SIPA1L2: variants seen among roughly 807,000 people sequenced by gnomAD.
SIPA1L2 encodes the protein signal-induced proliferation-associated 1-like protein 2.
SIPA1L2 carries 56 observed loss-of-function variants against 163.9 expected under a neutral mutation model. That is an observed-to-expected ratio of 0.34 (90% CI 0.28 to 0.43). The LOEUF (loss-of-function observed/expected upper bound fraction) is 0.43. Among genes scored for constraint, SIPA1L2 ranks in the 20% least tolerant of loss-of-function variants. The pLI is 1.00. For missense variants in SIPA1L2, 1,974 were observed against 2,193.5 expected, an observed-to-expected ratio of 0.90 and a Z score of 2.00; for synonymous variants, 877 against 865.7, an observed-to-expected ratio of 1.01 and a Z score of -0.23.
chr1:232,489,831 G>A (rs552430279), intron 5 of SIPA1L2, among the ~76,000 whole-genome samples: 14 of 152,264 alleles, frequency 9.2e-5, no homozygotes, highest in African/African-American at 3.1e-4. Flanking sequence ...GCATGCACTT[G>A]AGCATGTACT....
Position 232,537,489 on chromosome 1 carries a change from A to T in SIPA1L2, c.-269-21881T>A, listed in dbSNP as rs556936289. On this transcript the variant is annotated intron_variant, in intron 2 of 22. Coordinates refer to ENST00000674635, the MANE Select transcript of SIPA1L2 (RefSeq NM_020808.5). ...AAAAATATACTAAAATTCAAAAGAT[A>T]AAAAAAAAATGAAGCAACAAGGAAT... 2.7e-5 allele frequency among the ~76,000 whole-genome samples: 4 copies of T among 149,576 alleles called. No homozygotes were observed. The East Asian group carries it at 5.9e-4, about 22-fold the overall frequency.
At position 232,515,354 on chromosome 1, in the gene SIPA1L2, A is replaced by G. The variant is rs750233336; in HGVS notation, c.-15T>C. 3 of 1,561,608 alleles carry G rather than the reference A, an allele frequency of 1.9e-6. No individual in the cohort carries two copies. The highest frequency in any genetic ancestry group is 2.3e-5 in the East Asian group (1 of 44,376). On this transcript the variant is annotated 5_prime_UTR_variant, in exon 3 of 23. Transcript: ENST00000674635. ...GGGTCACTCATGTCTACCGAGGAAG[A>G]GCCTCCAAGTCTCACCAGGAAGACT... is the stretch of plus-strand genomic sequence containing the variant.
chr1:232,519,168 A>G (rs1667345060), intron 2 of SIPA1L2, among the ~76,000 whole-genome samples: 1 of 152,306 alleles, frequency 6.6e-6, no homozygotes, highest in South Asian at 2.1e-4. Flanking sequence ...CTTCCATACC[A>G]GCCAAATGAG....
At chr1:232,421,395 G>C (rs1661568838) in intron 18 of SIPA1L2, among the ~76,000 whole-genome samples, 1 of 151,822 alleles carries the variant, frequency 6.6e-6, no homozygotes, top group South Asian at 2.1e-4. Context: ...TCTTTACTGA[G>C]TCTGAGTTTA....
At chr1:232,569,136 G>A (rs932436289) in intron 2 of SIPA1L2, among the ~76,000 whole-genome samples, 1 of 152,156 alleles carries the variant, frequency 6.6e-6, no homozygotes, top group Non-Finnish European at 1.5e-5. Flanking sequence ...ATCTGCCTGA[G>A]GTGGCTACAG....
chr1:232,563,955 T>TTTTTTTGTGTGTGTGTG (rs1558270699), intron 2 of SIPA1L2, among the ~76,000 whole-genome samples: 2 of 116,700 alleles, frequency 1.7e-5, no homozygotes, highest in African/African-American at 8.0e-5. Context: ...TTTTTTTTTT[T>TTTTTTTGTGTGTGTGTG]CGTGTGTGTG....
intron 2 of SIPA1L2, chr1:232,561,650 C>T (rs1659044582): frequency 6.6e-6 from 1 of 152,202 alleles, no homozygotes; most frequent in South Asian, 2.1e-4. Context: ...CCTTATTCTA[C>T]AGATAGAAAA....
intron 19 of SIPA1L2, 105 bp downstream of exon 19, chr1:232,415,389 G>T: frequency 7.3e-7 from 1 of 1,378,690 alleles, no homozygotes; most frequent in South Asian, 1.7e-5. Context: ...TCAAAACTTT[G>T]ACCAGACGAT....
chr1:232,553,198 TG>T (rs1345142754), intron 2 of SIPA1L2, among the ~76,000 whole-genome samples: 1 of 152,116 alleles, frequency 6.6e-6, no homozygotes, highest in African/African-American at 2.4e-5. Flanking sequence ...CATCTTCCCC[TG>T]GAGTTTGGCC....
At chr1:232,572,696 T>C (rs1305185499) in intron 2 of SIPA1L2, among the ~76,000 whole-genome samples, 326 of 18,884 alleles carry the variant, frequency 0.017, 7 homozygotes, top group African/African-American at 0.082. Flanking sequence ...TATACATACA[T>C]ATATATATAT....
chr1:232,597,228 A>G (rs116739863), intron 1 of SIPA1L2, among the ~76,000 whole-genome samples: 1,871 of 152,248 alleles, frequency 0.012, 31 homozygotes, highest in Non-Finnish European at 0.02. Flanking sequence ...CGTGGCATCA[A>G]TACCCCACAC....
chr1:232,536,128 C>T (rs1039191016), intron 2 of SIPA1L2, among the ~76,000 whole-genome samples: 1 of 152,150 alleles, frequency 6.6e-6, no homozygotes, highest in Non-Finnish European at 1.5e-5. Flanking sequence ...CAAGGAAGCA[C>T]GACAGATCTG....
intron 1 of SIPA1L2, among the ~76,000 whole-genome samples, chr1:232,604,938 C>T (rs894703044): frequency 4.6e-5 from 7 of 152,180 alleles, no homozygotes; most frequent in Admixed American, 2.6e-4. Flanking sequence ...GCTTCCCGTG[C>T]AGCCTGCAGA....
chr1:232,433,248 C>T (rs1662356524), intron 15 of SIPA1L2, among the ~76,000 whole-genome samples: 1 of 152,250 alleles, frequency 6.6e-6, no homozygotes, highest in South Asian at 2.1e-4. Context: ...ACGACTTGGG[C>T]GATCTCATGA....
chr1:232,454,419 C>T (rs1029891527), intron 10 of SIPA1L2, among the ~76,000 whole-genome samples: 4 of 152,202 alleles, frequency 2.6e-5, no homozygotes, highest in Admixed American at 1.3e-4. Context: ...ATCCCCAGTA[C>T]CTGGCAGAGC....
intron 15 of SIPA1L2, 92 bp downstream of exon 15, chr1:232,439,016 C>CTA (rs1662730000): frequency 7.3e-7 from 1 of 1,362,752 alleles, no homozygotes; most frequent in African/African-American, 1.5e-5. Context: ...CCTGATGCCC[C>CTA]TACTGCTTAC....
intron 2 of SIPA1L2, among the ~76,000 whole-genome samples, chr1:232,551,050 AC>A (rs1400357939): frequency 6.6e-6 from 1 of 152,064 alleles, no homozygotes; most frequent in African/African-American, 2.4e-5. Context: ...TCCTCCTACC[AC>A]CACCTATTAA....
At chr1:232,417,818 TG>T (rs1346647467) in intron 18 of SIPA1L2, among the ~76,000 whole-genome samples, 1 of 152,232 alleles carries the variant, frequency 6.6e-6, no homozygotes, top group East Asian at 1.9e-4. Flanking sequence ...CAATTACTTT[TG>T]TCACTGATTT....
At chr1:232,494,585 T>C (rs192660653) in intron 3 of SIPA1L2, among the ~76,000 whole-genome samples, 205 of 152,352 alleles carry the variant, frequency 1.3e-3, no homozygotes, top group African/African-American at 4.4e-3. Flanking sequence ...AGCAACTCCC[T>C]TTAGACTGCT....
Sources: allele counts gnomAD v4.1 joint callset (sites outside exome capture counted in the v4.1 genomes callset), GRCh38; gene constraint gnomAD v4.1.1; transcripts MANE v1.5; gene names NCBI Gene and HGNC (gene_info 2026-07-23, HGNC 2026-07-21).